The following MAGI2 variants were observed in gnomAD, a reference collection of about 807,000 sequenced individuals.
MAGI2 encodes membrane associated guanylate kinase, WW and PDZ domain containing 2.
In MAGI2, 35 loss-of-function variants were observed where a neutral mutation model predicts 133.3. The observed-to-expected ratio is 0.26, with a 90% CI of 0.20 to 0.35. MAGI2 has a LOEUF of 0.35. Ranked by LOEUF, MAGI2 falls within the 10% of genes least tolerant of loss-of-function variation. The probability of loss-of-function intolerance (pLI) is 1.00; values close to 1 mark genes in which losing one functional copy is unlikely to be tolerated. For missense variants in MAGI2, 1,636 were observed against 1,863.4 expected, an observed-to-expected ratio of 0.88 and a Z score of 2.25; for synonymous variants, 729 against 710.6, an observed-to-expected ratio of 1.03 and a Z score of -0.41.
chr7:78,284,173 A>G (rs1288366315), intron 9 of MAGI2, among the ~76,000 whole-genome samples: 3 of 152,132 alleles, frequency 2.0e-5, no homozygotes, highest in African/African-American at 7.2e-5. Flanking sequence ...AAAGCAGGAG[A>G]CTTAGACATG....
intron 1 of MAGI2, among the ~76,000 whole-genome samples, chr7:79,015,450 T>C (rs529345806): frequency 1.3e-5 from 2 of 152,168 alleles, no homozygotes; most frequent in Non-Finnish European, 2.9e-5. Flanking sequence ...CAGAACACCT[T>C]GCCCAAATCA....
At position 78,501,758 on chromosome 7, in the gene MAGI2, C is replaced by G. The variant is rs753110174; in HGVS notation, c.784G>C (p.Gly262Arg). Reference sequence around the variant, plus strand: ...TGGGAGGGCATCTCCCCTGAGGCACCTGCACTTTTGTCTTCATGTTCACTG... The same window carrying G: ...TGGGAGGGCATCTCCCCTGAGGCACGTGCACTTTTGTCTTCATGTTCACTG... ...ESSEHEDKSA[G>R]ASGEMPSQPY... The change falls in exon 5 of 22, where the codon GGT (glycine) becomes CGT (arginine). Residue 262 changes from glycine to arginine, a missense_variant. Transcript: ENST00000354212. 29 of 1,613,904 alleles carry G rather than the reference C, an allele frequency of 1.8e-5. No individual in the cohort carries two copies. The highest frequency in any genetic ancestry group is 2.5e-5 in the Non-Finnish European group (29 of 1,180,006).
At chr7:78,728,540 C>CTTTTTTTTTTTTTT (rs71085560) in intron 2 of MAGI2, among the ~76,000 whole-genome samples, 1 of 60,070 alleles carries the variant, frequency 1.7e-5, no homozygotes, top group Non-Finnish European at 2.9e-5. Context: ...TTTCTCTGAT[C>CTTTTTTTTTTTTTT]TTTTTTTTTT....
intron 1 of MAGI2, among the ~76,000 whole-genome samples, chr7:79,331,242 C>T (rs1397988366): frequency 6.6e-6 from 1 of 152,020 alleles, no homozygotes; most frequent in Non-Finnish European, 1.5e-5. Flanking sequence ...TATTTATATG[C>T]CTCGATGTAT....
In MAGI2 at chr7:79,216,787, T is replaced by C. The variant is rs1830065546; in HGVS notation, c.302-209581A>G. ...AGCATGCTCTTTCTCCTTTGGAAGA[T>C]GGTTGTTGTCTTCAAATGCAAGAAC... On this transcript the variant is annotated intron_variant, in intron 1 of 21. Transcript: ENST00000354212. 2.0e-5 allele frequency among the ~76,000 whole-genome samples: 3 copies of C among 152,096 alleles called. 1 individual carries two copies. In the South Asian group the frequency reaches 6.2e-4, roughly 32 times the overall value.
chr7:79,363,890 C>T (rs1842524284), intron 1 of MAGI2, among the ~76,000 whole-genome samples: 1 of 151,568 alleles, frequency 6.6e-6, no homozygotes, highest in Non-Finnish European at 1.5e-5. Flanking sequence ...CAAATATGTA[C>T]AAATATTACA....
intron 1 of MAGI2, among the ~76,000 whole-genome samples, chr7:79,366,910 T>C (rs1198200860): frequency 6.6e-6 from 1 of 152,166 alleles, no homozygotes; most frequent in Non-Finnish European, 1.5e-5. Context: ...CACAAAATTA[T>C]CTTTATTAAA....
intron 2 of MAGI2, among the ~76,000 whole-genome samples, chr7:78,920,787 G>A (rs765911780): frequency 2.0e-5 from 3 of 152,058 alleles, no homozygotes; most frequent in Non-Finnish European, 4.4e-5. Context: ...ATAAAATGCT[G>A]AACAGAGTAT....
At chr7:78,044,795 T>C (rs1480017641) in intron 21 of MAGI2, among the ~76,000 whole-genome samples, 1 of 151,940 alleles carries the variant, frequency 6.6e-6, no homozygotes, top group Non-Finnish European at 1.5e-5. Context: ...TGTTACCTTT[T>C]GCTAAGAATG....
chr7:78,297,814 C>T (rs1251958115), intron 9 of MAGI2, among the ~76,000 whole-genome samples: 1 of 118,506 alleles, frequency 8.4e-6, no homozygotes, highest in Non-Finnish European at 1.7e-5. Context: ...GAATATCACA[C>T]TCTGGGGACT....
chr7:79,156,454 G>A (rs1280838879), intron 1 of MAGI2, among the ~76,000 whole-genome samples: 1 of 152,044 alleles, frequency 6.6e-6, no homozygotes, highest in Non-Finnish European at 1.5e-5. Context: ...TTGTCTCTAA[G>A]GGCAGCCACT....
At chr7:79,241,133 C>T (rs1480697181) in intron 1 of MAGI2, among the ~76,000 whole-genome samples, 2 of 152,094 alleles carry the variant, frequency 1.3e-5, no homozygotes, top group Admixed American at 6.6e-5. Context: ...CCTCTCTCTA[C>T]CATCCCAAAT....
chr7:78,035,537 T>A (rs1810118780), intron 21 of MAGI2, among the ~76,000 whole-genome samples: 1 of 152,140 alleles, frequency 6.6e-6, no homozygotes, highest in African/African-American at 2.4e-5. Flanking sequence ...ATATAATCAG[T>A]CAATAAGTTC....
intron 3 of MAGI2, chr7:78,583,422 T>C (rs1016593235): frequency 5.1e-5 from 10 of 195,670 alleles, no homozygotes; most frequent in Admixed American, 4.8e-4. Flanking sequence ...CGCGTGAACC[T>C]GGGAGGCAGA....
chr7:79,125,813 G>C (rs990111555), intron 1 of MAGI2: 2 of 507,444 alleles, frequency 3.9e-6, no homozygotes, highest in Admixed American at 2.0e-5. Flanking sequence ...GTGGCAGAAG[G>C]TTTTAATTCC....
chr7:78,448,822 G>T (rs759204409), intron 6 of MAGI2, among the ~76,000 whole-genome samples: 76 of 152,150 alleles, frequency 5.0e-4, no homozygotes, highest in Non-Finnish European at 9.0e-4. Flanking sequence ...TGCTCATTGT[G>T]TGTATCATTA....
chr7:78,828,503 ACTC>A, intron 2 of MAGI2, among the ~76,000 whole-genome samples: 1 of 151,448 alleles, frequency 6.6e-6, no homozygotes, highest in East Asian at 1.9e-4. Flanking sequence ...CCTAACCAGT[ACTC>A]CTCCAAAGTG....
chr7:79,437,519 A>C (rs2129193064), intron 1 of MAGI2, among the ~76,000 whole-genome samples: 1 of 152,264 alleles, frequency 6.6e-6, no homozygotes, highest in African/African-American at 2.4e-5. Flanking sequence ...ATATAAAATA[A>C]GTGAATAATT....
chr7:78,945,501 G>A (rs1187938611), intron 2 of MAGI2, among the ~76,000 whole-genome samples: 2 of 152,106 alleles, frequency 1.3e-5, no homozygotes, highest in Non-Finnish European at 2.9e-5. Flanking sequence ...AATTCTTGTG[G>A]TAAGAACAAA....
Sources: allele counts gnomAD v4.1 joint callset (sites outside exome capture counted in the v4.1 genomes callset), GRCh38; gene constraint gnomAD v4.1.1; transcripts MANE v1.5; gene names NCBI Gene and HGNC (gene_info 2026-07-23, HGNC 2026-07-21).